The following DOCK3 variants were observed in gnomAD, a reference collection of about 807,000 sequenced individuals.
DOCK3 encodes the protein dedicator of cytokinesis 3.
DOCK3 carries 60 observed loss-of-function variants against 265.6 expected under a neutral mutation model. That is an observed-to-expected ratio of 0.23 (90% CI 0.18 to 0.28). The LOEUF (loss-of-function observed/expected upper bound fraction) is 0.28, where lower values mean the gene tolerates loss of function less well. Among genes scored for constraint, DOCK3 ranks in the 10% least tolerant of loss-of-function variants. The pLI, the probability that DOCK3 is intolerant of heterozygous loss-of-function variation, is 1.00. For synonymous variants in DOCK3, 881 were observed against 938.0 expected, an observed-to-expected ratio of 0.94 and a Z score of 1.11; for missense variants, 1,981 against 2,594.3, an observed-to-expected ratio of 0.76 and a Z score of 5.14.
At chr3:51,304,394 G>T (rs73076495) in intron 27 of DOCK3, among the ~76,000 whole-genome samples, 6,748 of 152,138 alleles carry the variant, frequency 0.044, 240 homozygotes, top group Non-Finnish European at 0.066. Flanking sequence ...GCAGCAGGCA[G>T]CTATAGTGAT....
Position 51,056,272 on chromosome 3 carries a change from G to A in DOCK3, c.316-8176G>A, listed in dbSNP as rs189434306. ...TTTTATTTTATTTATTTTTTGAGACGGAGTCTCGCTCTGTTCCCCAGGCTG... is the reference window on the plus strand; with the variant it reads ...TTTTATTTTATTTATTTTTTGAGACAGAGTCTCGCTCTGTTCCCCAGGCTG... On this transcript the variant is annotated intron_variant, in intron 5 of 52. Transcript: ENST00000266037. Among the ~76,000 whole-genome samples, 20 of 152,050 alleles carry A rather than the reference G, an allele frequency of 1.3e-4. No individual in the cohort carries two copies. In the East Asian group the frequency reaches 1.7e-3, roughly 13 times the overall value.
chr3:51,325,346 T>C (rs2084030783), intron 32 of DOCK3, among the ~76,000 whole-genome samples: 1 of 151,964 alleles, frequency 6.6e-6, no homozygotes, highest in Non-Finnish European at 1.5e-5. Flanking sequence ...GAAATGCAAA[T>C]CAAAACCGCG....
At chr3:50,823,354 G>T (rs923844489) in intron 2 of DOCK3, among the ~76,000 whole-genome samples, 1 of 152,152 alleles carries the variant, frequency 6.6e-6, no homozygotes, top group African/African-American at 2.4e-5. Flanking sequence ...TGAGATTAGG[G>T]AGTGGTGATG....
chr3:51,251,823 G>A (rs62257497), intron 22 of DOCK3, among the ~76,000 whole-genome samples: 12 of 152,250 alleles, frequency 7.9e-5, no homozygotes, highest in African/African-American at 2.9e-4. Flanking sequence ...CCTGTTCACT[G>A]TGATGATAGC....
intron 10 of DOCK3, among the ~76,000 whole-genome samples, chr3:51,151,964 T>G (rs1168759231): frequency 1.3e-5 from 2 of 152,148 alleles, no homozygotes; most frequent in African/African-American, 4.8e-5. Context: ...AATCTGACAA[T>G]TATGTGTCTT....
At chr3:51,283,124 A>G (rs2081221573) in intron 27 of DOCK3, among the ~76,000 whole-genome samples, 1 of 152,228 alleles carries the variant, frequency 6.6e-6, no homozygotes, top group African/African-American at 2.4e-5. Context: ...ATAAACATCT[A>G]TTCATGAATC....
At chr3:50,737,005 T>C (rs921817026) in intron 1 of DOCK3, among the ~76,000 whole-genome samples, 2 of 152,190 alleles carry the variant, frequency 1.3e-5, no homozygotes, top group African/African-American at 4.8e-5. Flanking sequence ...AAATGTCTTC[T>C]TTTGAGTAGT....
At chr3:50,938,531 C>G (rs140470091) in intron 5 of DOCK3, among the ~76,000 whole-genome samples, 1 of 151,674 alleles carries the variant, frequency 6.6e-6, no homozygotes, top group Admixed American at 6.6e-5. Flanking sequence ...AGAACAAATT[C>G]GACAAGTTTG....
chr3:50,943,909 G>T (rs1272198246), intron 5 of DOCK3, among the ~76,000 whole-genome samples: 1 of 152,058 alleles, frequency 6.6e-6, no homozygotes, highest in Non-Finnish European at 1.5e-5. Context: ...GCTATAAATG[G>T]ATGTTATAAA....
At chr3:51,297,069 G>A (rs1392149227) in intron 27 of DOCK3, among the ~76,000 whole-genome samples, 4 of 130,438 alleles carry the variant, frequency 3.1e-5, no homozygotes, top group African/African-American at 8.8e-5. Context: ...AGTGAGCTGA[G>A]ATCGTGCCAC....
At chr3:51,167,028 C>T (rs541906459) in intron 12 of DOCK3, among the ~76,000 whole-genome samples, 1 of 152,264 alleles carries the variant, frequency 6.6e-6, no homozygotes, top group African/African-American at 2.4e-5. Flanking sequence ...CTCAAAAAAT[C>T]ACTGCTAAGA....
At chr3:51,069,560 A>G (rs977474114) in intron 6 of DOCK3, among the ~76,000 whole-genome samples, 1 of 150,174 alleles carries the variant, frequency 6.7e-6, no homozygotes, top group African/African-American at 2.5e-5. Context: ...ATATGTGTGT[A>G]TATATATGTG....
In DOCK3 at chr3:51,177,865, C is replaced by T. The variant is rs113405852; in HGVS notation, c.1037+17163C>T. Among the ~76,000 whole-genome samples the T allele has an allele frequency of 3.5e-3, 537 of 152,112 alleles. 4 individuals are homozygous for T. The highest frequency in any genetic ancestry group is 0.012 in the African/African-American group (517 of 41,518). On this transcript the variant is annotated intron_variant, in intron 12 of 52. Transcript: ENST00000266037. ...AATTAGTTCAGCATAGTGGCGCATG[C>T]CTGTAGTCTCAAATACTCAGGAGGC...
chr3:50,741,769 T>C (rs1268165874), intron 1 of DOCK3, among the ~76,000 whole-genome samples: 1 of 152,128 alleles, frequency 6.6e-6, no homozygotes, highest in Non-Finnish European at 1.5e-5. Flanking sequence ...GCATGATTTA[T>C]AGTCCTTTGG....
intron 3 of DOCK3, among the ~76,000 whole-genome samples, chr3:50,886,185 GAGATATAT>G (rs1466648492): frequency 5.0e-5 from 6 of 120,970 alleles, no homozygotes; most frequent in Admixed American, 8.5e-5. Context: ...TTTTATTTTG[GAGATATAT>G]ATATATATAT....
intron 49 of DOCK3, among the ~76,000 whole-genome samples, chr3:51,368,334 G>A (rs12490889): frequency 0.068 from 10,277 of 152,236 alleles, 916 homozygotes; most frequent in East Asian, 0.33. Flanking sequence ...ATGGTACCTG[G>A]AAAATCGGGA....
At chr3:51,260,928 G>A (rs1482735823) in intron 23 of DOCK3, among the ~76,000 whole-genome samples, 1 of 151,860 alleles carries the variant, frequency 6.6e-6, no homozygotes, top group African/African-American at 2.4e-5. Context: ...AGGTTGCAGT[G>A]AGCCAAGATC....
At chr3:51,250,982 T>A (rs1269415891) in intron 22 of DOCK3, among the ~76,000 whole-genome samples, 1 of 152,190 alleles carries the variant, frequency 6.6e-6, no homozygotes, top group Non-Finnish European at 1.5e-5. Context: ...AACTCGTCAT[T>A]TACATTAGGT....
chr3:50,955,889 A>G (rs1402349917), intron 5 of DOCK3, among the ~76,000 whole-genome samples: 1 of 152,178 alleles, frequency 6.6e-6, no homozygotes, highest in Non-Finnish European at 1.5e-5. Context: ...TCTCCTGAAG[A>G]TGCTTATGTA....
Sources: allele counts gnomAD v4.1 joint callset (sites outside exome capture counted in the v4.1 genomes callset), GRCh38; gene constraint gnomAD v4.1.1; transcripts MANE v1.5; gene names NCBI Gene and HGNC (gene_info 2026-07-23, HGNC 2026-07-21).